The following DDX4 variants were observed in gnomAD, a reference collection of about 807,000 sequenced individuals.
The protein encoded by DDX4 is DEAD-box helicase 4, also known as probable ATP-dependent RNA helicase DDX4.
A neutral mutation model predicts 100.0 loss-of-function variants in DDX4; 25 were observed. That is an observed-to-expected ratio of 0.25 (90% CI 0.18 to 0.35). DDX4 has a LOEUF of 0.35. DDX4 is among the 10% of genes least tolerant of loss of function. The probability of loss-of-function intolerance (pLI) is 1.00; values close to 1 mark genes in which losing one functional copy is unlikely to be tolerated. For synonymous variants in DDX4, 259 were observed against 275.7 expected (o/e 0.94, Z 0.60); for missense variants, 635 against 882.4 (o/e 0.72, Z 3.55).
At chr5:55,763,499 T>TA (rs1740693635) in intron 5 of DDX4, among the ~76,000 whole-genome samples, 1 of 152,158 alleles carries the variant, frequency 6.6e-6, no homozygotes, top group African/African-American at 2.4e-5. Flanking sequence ...CAGAGATGCA[T>TA]AACTCTTAGA....
chr5:55,786,460 A>G, intron 13 of DDX4, 58 bp from the exon 14 acceptor site: 2 of 1,367,062 alleles, frequency 1.5e-6, no homozygotes, highest in East Asian at 2.3e-5. Flanking sequence ...AAATATGCTT[A>G]TAAATGATCT....
intron 3 of DDX4, among the ~76,000 whole-genome samples, chr5:55,754,782 G>T (rs1004231731): frequency 6.6e-6 from 1 of 150,720 alleles, no homozygotes; most frequent in African/African-American, 2.4e-5. Flanking sequence ...GGTAGAATTC[G>T]GCTGTGAATC....
At chr5:55,796,816 T>TTTCC in intron 17 of DDX4, among the ~76,000 whole-genome samples, 1 of 137,332 alleles carries the variant, frequency 7.3e-6, no homozygotes, top group African/African-American at 2.7e-5. Context: ...TCTTTTTTTC[T>TTTCC]TTCTTTCTTT....
chr5:55,805,505 C>T (rs1313324370), intron 18 of DDX4, among the ~76,000 whole-genome samples: 7 of 151,928 alleles, frequency 4.6e-5, no homozygotes, highest in Middle Eastern at 3.4e-3. Context: ...CCCATCAATA[C>T]CTAATTTATT....
At chr5:55,782,697 C>G (rs1244276023) in intron 10 of DDX4, among the ~76,000 whole-genome samples, 1 of 151,908 alleles carries the variant, frequency 6.6e-6, no homozygotes, top group East Asian at 1.9e-4. Flanking sequence ...TGTACAAATC[C>G]TTATTAAAAC....
chr5:55,793,768 C>T (rs935857193), intron 17 of DDX4, among the ~76,000 whole-genome samples: 1 of 152,198 alleles, frequency 6.6e-6, no homozygotes, highest in Non-Finnish European at 1.5e-5. Flanking sequence ...GCCCTGTCTT[C>T]ATAAAGAGTT....
intron 3 of DDX4, among the ~76,000 whole-genome samples, chr5:55,753,482 A>G (rs1417129737): frequency 2.0e-5 from 3 of 152,102 alleles, no homozygotes; most frequent in Admixed American, 1.3e-4. Context: ...AGATAGTTGT[A>G]GATATGCTGC....
chr5:55,755,673 T>C (rs548585486), intron 3 of DDX4, among the ~76,000 whole-genome samples: 6 of 152,298 alleles, frequency 3.9e-5, no homozygotes, highest in African/African-American at 1.4e-4. Context: ...TTACAAGTTG[T>C]ATAGAATTTG....
At chr5:55,814,218 A>C (rs1242736783) in intron 19 of DDX4, among the ~76,000 whole-genome samples, 4 of 152,218 alleles carry the variant, frequency 2.6e-5, no homozygotes, top group Non-Finnish European at 1.5e-5. Flanking sequence ...AGTGTTGTGA[A>C]ATTATACTTT....
intron 10 of DDX4, among the ~76,000 whole-genome samples, chr5:55,783,633 A>AGATGGATG (rs59794903): frequency 0.13 from 19,383 of 146,656 alleles, 1,321 homozygotes; most frequent in Middle Eastern, 0.17. Flanking sequence ...AGGAGGGAGG[A>AGATGGATG]GATGGATGGA....
At chr5:55,769,320 A>T (rs1741120126) in intron 7 of DDX4, among the ~76,000 whole-genome samples, 2 of 152,116 alleles carry the variant, frequency 1.3e-5, no homozygotes, top group Admixed American at 1.3e-4. Flanking sequence ...GTCCAGTTTC[A>T]ATCTTCTGCA....
intron 3 of DDX4, among the ~76,000 whole-genome samples, chr5:55,757,551 C>T (rs13174888): frequency 0.12 from 17,513 of 152,166 alleles, 1,529 homozygotes; most frequent in East Asian, 0.29. Flanking sequence ...AATTGTGCTG[C>T]TATAAACATG....
chr5:55,779,057 G>A (rs1200242637), intron 7 of DDX4, among the ~76,000 whole-genome samples: 2 of 151,870 alleles, frequency 1.3e-5, no homozygotes, highest in African/African-American at 2.4e-5. Context: ...GTTGGAAGGA[G>A]TGCTCAGGGA....
intron 6 of DDX4, among the ~76,000 whole-genome samples, chr5:55,766,613 G>C (rs1421336359): frequency 1.3e-5 from 2 of 152,126 alleles, no homozygotes; most frequent in Admixed American, 6.6e-5. Flanking sequence ...GTCAGCTGCA[G>C]CTGAAATAGG....
Position 55,742,302 on chromosome 5 carries a change from C to G in DDX4, c.69+3270C>G. On this transcript the variant is annotated intron_variant, in intron 2 of 21. Transcript: ENST00000505374. ...TGCTTACTTACTAGCTGTGAGGCCT[C>G]TTGTTAACTGACCGTGAATGTAAGC... 3 of 449,862 alleles carry G rather than the reference C, an allele frequency of 6.7e-6. 1 individual carries two copies. Among genetic ancestry groups the G allele is most frequent in the South Asian group, 3.1e-5 (2 of 64,138 alleles). The allele number at this position is 449,862 out of a possible 1,614,324, so 27.9% of individuals were successfully genotyped here. A position where few individuals can be genotyped will look rare whatever the true frequency, so the allele number is the denominator to read the frequency against.
intron 18 of DDX4, among the ~76,000 whole-genome samples, chr5:55,812,309 C>T (rs1253547823): frequency 6.6e-6 from 1 of 152,040 alleles, no homozygotes; most frequent in Non-Finnish European, 1.5e-5. Flanking sequence ...CGCCTGTAAT[C>T]CCAGCACTTT....
At chr5:55,802,019 T>C (rs995836261) in intron 18 of DDX4, among the ~76,000 whole-genome samples, 10 of 152,170 alleles carry the variant, frequency 6.6e-5, no homozygotes, top group South Asian at 4.1e-4. Context: ...TCAGCTTATA[T>C]GGGAGGTCTT....
intron 2 of DDX4, among the ~76,000 whole-genome samples, chr5:55,742,844 A>C (rs905949938): frequency 6.6e-6 from 1 of 152,172 alleles, no homozygotes; most frequent in Non-Finnish European, 1.5e-5. Flanking sequence ...AATTATAGTG[A>C]AAAGTACTAT....
At chr5:55,742,932 G>A (rs1161967894) in intron 2 of DDX4, among the ~76,000 whole-genome samples, 1 of 152,130 alleles carries the variant, frequency 6.6e-6, no homozygotes, top group Non-Finnish European at 1.5e-5. Context: ...CTCAGACAGT[G>A]ACTCATGAGC....
Sources: allele counts gnomAD v4.1 joint callset (sites outside exome capture counted in the v4.1 genomes callset), GRCh38; gene constraint gnomAD v4.1.1; transcripts MANE v1.5; gene names NCBI Gene and HGNC (gene_info 2026-07-23, HGNC 2026-07-21).